Variants in DENND1A observed in about 807,000 individuals in gnomAD.
DENND1A encodes the protein DENN domain containing 1A.
In DENND1A, 51 loss-of-function variants were observed where a neutral mutation model predicts 113.7. The observed-to-expected ratio is 0.45, with a 90% confidence interval of 0.36 to 0.57. DENND1A has a LOEUF of 0.57. DENND1A is among the 20% of genes least tolerant of loss of function. The probability of loss-of-function intolerance (pLI) is 0.00; values close to 1 mark genes in which losing one functional copy is unlikely to be tolerated. For synonymous variants in DENND1A, 565 were observed against 570.8 expected (o/e 0.99, Z 0.14); for missense variants, 1,258 against 1,395.9 (o/e 0.90, Z 1.57).
chr9:123,501,502 A>G (rs903796342), intron 13 of DENND1A, among the ~76,000 whole-genome samples: 1 of 152,240 alleles, frequency 6.6e-6, no homozygotes, highest in African/African-American at 2.4e-5. Flanking sequence ...GCAGGATCAT[A>G]TGGCGACTGT....
At chr9:123,898,335 T>A (rs1851090920) in intron 1 of DENND1A, among the ~76,000 whole-genome samples, 1 of 152,168 alleles carries the variant, frequency 6.6e-6, no homozygotes, top group East Asian at 1.9e-4. Context: ...TTTTATTTTT[T>A]ATTTTATTTT....
intron 2 of DENND1A, among the ~76,000 whole-genome samples, chr9:123,873,747 CTT>C (rs1015503303): frequency 2.1e-5 from 3 of 145,566 alleles, no homozygotes; most frequent in African/African-American, 2.5e-5. Flanking sequence ...ATCTATCTCT[CTT>C]TTTTTTTTTT....
At chr9:123,404,455 C>T (rs1588360408) in intron 20 of DENND1A, among the ~76,000 whole-genome samples, 1 of 152,274 alleles carries the variant, frequency 6.6e-6, no homozygotes, top group Non-Finnish European at 1.5e-5. Flanking sequence ...AACAACCGAG[C>T]CTGCCGGGGC....
chr9:123,416,754 G>C (rs2044761289), intron 19 of DENND1A, among the ~76,000 whole-genome samples: 1 of 152,220 alleles, frequency 6.6e-6, no homozygotes, highest in African/African-American at 2.4e-5. Flanking sequence ...CTGCTTTCCT[G>C]AAAAACACAT....
intron 5 of DENND1A, among the ~76,000 whole-genome samples, chr9:123,692,124 G>C (rs1050246347): frequency 5.9e-5 from 9 of 152,108 alleles, no homozygotes; most frequent in African/African-American, 2.2e-4. Context: ...CTCTGCAAAA[G>C]GGCAACACTT....
intron 13 of DENND1A, among the ~76,000 whole-genome samples, chr9:123,480,497 C>A (rs963492723): frequency 4.6e-5 from 7 of 152,166 alleles, no homozygotes; most frequent in African/African-American, 1.4e-4. Flanking sequence ...CACGGTATTC[C>A]CTCTGCTTAG....
At chr9:123,572,243 G>A (rs1397204690) in intron 12 of DENND1A, among the ~76,000 whole-genome samples, 2 of 152,134 alleles carry the variant, frequency 1.3e-5, no homozygotes, top group East Asian at 1.9e-4. Context: ...ATGTATTTGA[G>A]ATTCATCCAT....
chr9:123,445,447 T>C (rs1015028442), intron 18 of DENND1A, among the ~76,000 whole-genome samples: 5 of 152,186 alleles, frequency 3.3e-5, no homozygotes, highest in Non-Finnish European at 7.4e-5. Flanking sequence ...CAGTGCTGGG[T>C]CCTACAAAGA....
intron 1 of DENND1A, among the ~76,000 whole-genome samples, chr9:123,915,242 G>A (rs1854876359): frequency 1.3e-5 from 2 of 152,158 alleles, no homozygotes; most frequent in South Asian, 4.2e-4. Context: ...CTGTGACCCT[G>A]ATGTTATTAA....
At chr9:123,669,582 TGGA>T (rs2063661714) in intron 7 of DENND1A, among the ~76,000 whole-genome samples, 1 of 152,008 alleles carries the variant, frequency 6.6e-6, no homozygotes, top group Non-Finnish European at 1.5e-5. Flanking sequence ...AAGGAAGGAG[TGGA>T]CCTTCCTCCC....
chr9:123,531,488 C>A (rs549678346), intron 13 of DENND1A, among the ~76,000 whole-genome samples: 1 of 150,332 alleles, frequency 6.7e-6, no homozygotes, highest in East Asian at 2.0e-4. Context: ...GACCTTTCAC[C>A]CAGATTACCC....
At chr9:123,568,649 T>C (rs2058184082) in intron 12 of DENND1A, among the ~76,000 whole-genome samples, 1 of 152,170 alleles carries the variant, frequency 6.6e-6, no homozygotes, top group Admixed American at 6.5e-5. Context: ...AAAGTGGGGT[T>C]TGTCTCAGCC....
At chr9:123,540,296 C>A (rs1045242374) in intron 13 of DENND1A, among the ~76,000 whole-genome samples, 11 of 152,306 alleles carry the variant, frequency 7.2e-5, no homozygotes, top group African/African-American at 2.6e-4. Flanking sequence ...TTACAGATGA[C>A]AAAACTGAAG....
intron 5 of DENND1A, among the ~76,000 whole-genome samples, chr9:123,701,906 T>C (rs1282932077): frequency 1.3e-5 from 2 of 152,222 alleles, no homozygotes; most frequent in Non-Finnish European, 2.9e-5. Flanking sequence ...AGAAGGTCAA[T>C]GCATGACTAC....
At chr9:123,468,244 G>T in intron 13 of DENND1A, among the ~76,000 whole-genome samples, 1 of 152,190 alleles carries the variant, frequency 6.6e-6, no homozygotes, top group Admixed American at 6.5e-5. Flanking sequence ...AGAGCTACCT[G>T]CCTCCGGGGA....
chr9:123,527,669 T>C (rs1008865321), intron 13 of DENND1A, among the ~76,000 whole-genome samples: 1 of 152,206 alleles, frequency 6.6e-6, no homozygotes. Context: ...AGCTGTATTA[T>C]AACTGCCTCT....
At chr9:123,488,761 G>T (rs946058855) in intron 13 of DENND1A, among the ~76,000 whole-genome samples, 2 of 152,192 alleles carry the variant, frequency 1.3e-5, no homozygotes, top group Non-Finnish European at 2.9e-5. Flanking sequence ...TCTGTCCTCT[G>T]GGGGAGAGAT....
intron 23 of DENND1A, among the ~76,000 whole-genome samples, chr9:123,382,952 T>G (rs2042359091): frequency 6.6e-6 from 1 of 152,246 alleles, no homozygotes; most frequent in African/African-American, 2.4e-5. Context: ...CGCAATCACC[T>G]GTAAGCCCGG....
intron 2 of DENND1A, among the ~76,000 whole-genome samples, chr9:123,866,793 C>T (rs906912301): frequency 6.6e-6 from 1 of 152,162 alleles, no homozygotes; most frequent in Non-Finnish European, 1.5e-5. Context: ...ATGGGCAAAC[C>T]AGAATTTAGT....
Sources: gnomAD v4.1 joint callset for allele counts (sites outside exome capture counted in the v4.1 genomes callset) on GRCh38, gnomAD v4.1.1 for gene constraint, MANE v1.5 for transcripts, NCBI Gene and HGNC (gene_info 2026-07-23, HGNC 2026-07-21) for gene names.